The following MALRD1 variants were observed in gnomAD, a reference collection of about 807,000 sequenced individuals.
MALRD1 encodes MAM and LDL-receptor class A domain-containing protein 1.
A neutral mutation model predicts 242.1 loss-of-function variants in MALRD1; 247 were observed. The observed-to-expected ratio is 1.02, with a 90% CI of 0.92 to 1.13. The LOEUF is 1.13. MALRD1 is among the 50% of genes most tolerant of loss of function. The pLI is 0.00. For synonymous variants in MALRD1, 995 were observed against 866.6 expected (o/e 1.15, Z -2.60); for missense variants, 2,989 against 2,533.1 (o/e 1.18, Z -3.86).
intron 29 of MALRD1, chr10:19,489,091 G>A: frequency 2.2e-6 from 1 of 461,984 alleles, no homozygotes; most frequent in Non-Finnish European, 4.4e-6. Context: ...CCTTTCCGGA[G>A]CCAGAATGCC....
intron 38 of MALRD1, chr10:19,710,348 A>G (rs944333892): frequency 6.6e-6 from 1 of 152,176 alleles, no homozygotes; most frequent in South Asian, 2.1e-4. Context: ...AGTAATAATC[A>G]TATTTATTGA....
intron 38 of MALRD1, among the ~76,000 whole-genome samples, chr10:19,726,262 C>A (rs945684600): frequency 6.6e-6 from 1 of 152,018 alleles, no homozygotes; most frequent in African/African-American, 2.4e-5. Context: ...AACAAAAAGA[C>A]AACCCAATTT....
chr10:19,182,888 A>T (rs1470064943), intron 14 of MALRD1, among the ~76,000 whole-genome samples: 1 of 152,096 alleles, frequency 6.6e-6, no homozygotes, highest in African/African-American at 2.4e-5. Flanking sequence ...ATAATACTTA[A>T]TACTTTCTCC....
Position 19,384,405 on chromosome 10 carries a change from GTATA to G in MALRD1, c.4442-3118_4442-3115del, listed in dbSNP as rs1302379445. Among the ~76,000 whole-genome samples the G allele has an allele frequency of 4.4e-5, 3 of 68,400 alleles. No homozygotes were observed. The East Asian group carries it at 1.0e-3, about 24-fold the overall frequency. The allele number at this position is 68,400 out of a possible 152,430, so 44.9% of individuals were successfully genotyped here. On this transcript the variant is annotated intron_variant, in intron 26 of 39. Coordinates refer to ENST00000454679, the MANE Select transcript of MALRD1 (RefSeq NM_001142308.3). The stretch of plus-strand genomic sequence containing the variant: ...TTTACTATATATTATATATTATATA[GTATA>G]TATAATATAATATTTACCATATATT...
At chr10:19,666,458 C>T (rs1042817754) in intron 36 of MALRD1, among the ~76,000 whole-genome samples, 1 of 152,138 alleles carries the variant, frequency 6.6e-6, no homozygotes, top group African/African-American at 2.4e-5. Context: ...CTGCAGTATT[C>T]CCTGTTCTTA....
At chr10:19,730,813 C>T in intron 39 of MALRD1, 32 bp downstream of exon 39, 2 of 1,497,710 alleles carry the variant, frequency 1.3e-6, no homozygotes, top group Non-Finnish European at 9.0e-7. Context: ...TATCTTTTCA[C>T]ACATATGCAC....
At chr10:19,501,530 A>C (rs1837971477) in intron 31 of MALRD1, among the ~76,000 whole-genome samples, 1 of 152,244 alleles carries the variant, frequency 6.6e-6, no homozygotes, top group Non-Finnish European at 1.5e-5. Context: ...AGCAATATGC[A>C]AAATGTTAAG....
In MALRD1 at chr10:19,124,390, C is replaced by A. The variant is rs551675737; in HGVS notation, c.797-134C>A. 8.3e-5 allele frequency: 68 copies of A among 823,184 alleles called. 1 individual carries two copies. The African/African-American group carries it at 1.1e-3, about 13-fold the overall frequency. The allele number at this position is 823,184 out of a possible 1,614,324, so 51.0% of individuals were successfully genotyped here. ...CACTCGAAGGCTTATTGAATCCAAA[C>A]TTGCAGATATAAATTAGTGTGTGCT... On this transcript the variant is annotated intron_variant, in intron 6 of 39. Coordinates refer to ENST00000454679, the MANE Select transcript of MALRD1 (RefSeq NM_001142308.3).
intron 18 of MALRD1, among the ~76,000 whole-genome samples, chr10:19,237,597 TAATTATAATTATAATTATATAATTATA>T (rs1838391915): frequency 1.4e-4 from 1 of 7,300 alleles, no homozygotes; most frequent in Non-Finnish European, 2.4e-4. Context: ...TATAATTATA[TAATTATAATTATAATTATATAATTATA>T]TAATTATAAT....
chr10:19,651,900 A>T (rs979330107), intron 36 of MALRD1, among the ~76,000 whole-genome samples: 13 of 152,340 alleles, frequency 8.5e-5, no homozygotes, highest in Admixed American at 3.9e-4. Flanking sequence ...CATGACCCAC[A>T]GAAACACTTG....
At chr10:19,251,590 A>C (rs939093415) in intron 18 of MALRD1, among the ~76,000 whole-genome samples, 6 of 151,930 alleles carry the variant, frequency 3.9e-5, no homozygotes, top group Admixed American at 2.6e-4. Context: ...ATATATATGA[A>C]ATAGTGGCAA....
At chr10:19,178,346 A>G (rs1338903577) in intron 14 of MALRD1, among the ~76,000 whole-genome samples, 1 of 152,200 alleles carries the variant, frequency 6.6e-6, no homozygotes, top group East Asian at 1.9e-4. Context: ...TGTGGAGTTC[A>G]GTATTAGTAG....
chr10:19,494,230 C>G (rs530053019), intron 30 of MALRD1, among the ~76,000 whole-genome samples: 1 of 152,158 alleles, frequency 6.6e-6, no homozygotes, highest in African/African-American at 2.4e-5. Context: ...AAATGAAGAC[C>G]CTGAGCAAAG....
chr10:19,252,833 G>A (rs1037445999), intron 18 of MALRD1, among the ~76,000 whole-genome samples: 13 of 152,074 alleles, frequency 8.5e-5, no homozygotes, highest in Admixed American at 7.9e-4. Context: ...CATAAAATTT[G>A]TCAGGCCAAA....
At chr10:19,548,562 C>T (rs1012108905) in intron 32 of MALRD1, among the ~76,000 whole-genome samples, 2 of 152,086 alleles carry the variant, frequency 1.3e-5, no homozygotes, top group Non-Finnish European at 2.9e-5. Context: ...TCACCGTGCC[C>T]GGCCTCATTA....
intron 28 of MALRD1, among the ~76,000 whole-genome samples, chr10:19,430,111 C>CTTTTTTTTTCTTTTTTT (rs1834063778): frequency 1.2e-5 from 1 of 83,494 alleles, no homozygotes; most frequent in African/African-American, 4.9e-5. Context: ...CTCCATTTTC[C>CTTTTTTTTTCTTTTTTT]TTTTTTTTTT....
At chr10:19,481,531 G>A (rs1034918718) in intron 29 of MALRD1, among the ~76,000 whole-genome samples, 2 of 152,144 alleles carry the variant, frequency 1.3e-5, no homozygotes, top group African/African-American at 4.8e-5. Flanking sequence ...AGTGAAATAA[G>A]TAGTTCATCT....
At chr10:19,130,003 T>C (rs946013344) in intron 8 of MALRD1, among the ~76,000 whole-genome samples, 1 of 151,688 alleles carries the variant, frequency 6.6e-6, no homozygotes, top group African/African-American at 2.4e-5. Context: ...TAAAGTAATA[T>C]ACATATGTAT....
rs544572340 is a variant in MALRD1, at chr10:19,334,887, C to G, written c.3901+3305C>G. On this transcript the variant is annotated intron_variant, in intron 24 of 39. Coordinates refer to ENST00000454679, the MANE Select transcript of MALRD1 (RefSeq NM_001142308.3). ...TGTAATGTTTCCAGTGTATCTCTTT[C>G]CTAGAGATATAGTTTAGTGTAATTT... is the stretch of plus-strand genomic sequence containing the variant. Among the ~76,000 whole-genome samples the G allele has an allele frequency of 8.5e-5, 13 of 152,080 alleles. No individual in the cohort carries two copies. In the South Asian group the frequency reaches 2.7e-3, roughly 32 times the overall value.
Sources: allele counts gnomAD v4.1 joint callset (sites outside exome capture counted in the v4.1 genomes callset), GRCh38; gene constraint gnomAD v4.1.1; transcripts MANE v1.5; gene names NCBI Gene and HGNC (gene_info 2026-07-23, HGNC 2026-07-21).